The following EXOC4 variants were observed in gnomAD, a reference collection of about 807,000 sequenced individuals.
The protein encoded by EXOC4 is SEC8-like 1.
In EXOC4, 71 loss-of-function variants were observed where a neutral mutation model predicts 107.2. That is an observed-to-expected ratio of 0.66 (90% CI 0.55 to 0.81). The LOEUF is 0.81. Ranked by LOEUF, EXOC4 falls within the 30% of genes least tolerant of loss-of-function variation. EXOC4 has a pLI of 0.00. For synonymous variants in EXOC4, 456 were observed against 441.2 expected, an observed-to-expected ratio of 1.03 and a Z score of -0.42; for missense variants, 1,108 against 1,189.6, an observed-to-expected ratio of 0.93 and a Z score of 1.01.
chr7:134,028,161 CCAT>C (rs1056001947), intron 17 of EXOC4, among the ~76,000 whole-genome samples: 1 of 152,202 alleles, frequency 6.6e-6, no homozygotes, highest in Non-Finnish European at 1.5e-5. Context: ...ACCCCATTAA[CCAT>C]AATATCCACC....
At chr7:133,460,299 G>A (rs948599446) in intron 7 of EXOC4, among the ~76,000 whole-genome samples, 6 of 152,108 alleles carry the variant, frequency 3.9e-5, no homozygotes, top group South Asian at 2.1e-4. Flanking sequence ...CTCCCCTGCC[G>A]CTCACCTGCT....
intron 9 of EXOC4, among the ~76,000 whole-genome samples, chr7:133,539,214 C>T (rs994555921): frequency 6.6e-6 from 1 of 151,990 alleles, no homozygotes; most frequent in South Asian, 2.1e-4. Flanking sequence ...GTCCTGCCCT[C>T]CCTGGGAATG....
chr7:133,953,423 C>G (rs1175148286), intron 14 of EXOC4, among the ~76,000 whole-genome samples: 1 of 151,782 alleles, frequency 6.6e-6, no homozygotes, highest in Non-Finnish European at 1.5e-5. Context: ...CACAGGGAGA[C>G]CTCATCTCTA....
At chr7:133,369,200 A>G (rs1201749344) in intron 6 of EXOC4, among the ~76,000 whole-genome samples, 1 of 152,172 alleles carries the variant, frequency 6.6e-6, no homozygotes, top group Non-Finnish European at 1.5e-5. Context: ...TTAAATTGGG[A>G]CAAGCTAGTG....
At position 133,271,648 on chromosome 7, in the gene EXOC4, C is replaced by G. The variant is rs190353713; in HGVS notation, c.87-3334C>G. On this transcript the variant is annotated intron_variant, in intron 1 of 17. Transcript: ENST00000253861. The stretch of plus-strand genomic sequence containing the variant: ...CTCGGAGTTCTTCTCCAGGAGCTGC[C>G]TATGTGGGCAGGCTTCTCTTTGGGC... 2.2e-3 allele frequency among the ~76,000 whole-genome samples: 342 copies of G among 152,262 alleles called. 1 individual carries two copies. Among genetic ancestry groups the G allele is most frequent in the African/African-American group, 7.8e-3 (322 of 41,528 alleles).
intron 10 of EXOC4, among the ~76,000 whole-genome samples, chr7:133,767,047 A>G (rs1044515868): frequency 6.6e-6 from 1 of 151,824 alleles, no homozygotes; most frequent in African/African-American, 2.4e-5. Context: ...TCTGATTTCC[A>G]TAGCTGCTCC....
chr7:133,703,438 G>A (rs764328987), intron 10 of EXOC4, among the ~76,000 whole-genome samples: 3 of 152,140 alleles, frequency 2.0e-5, no homozygotes, highest in Non-Finnish European at 4.4e-5. Flanking sequence ...GATTTTTGAT[G>A]AGAATTTCTG....
At chr7:133,915,947 A>T (rs950911557) in intron 12 of EXOC4, among the ~76,000 whole-genome samples, 2 of 152,114 alleles carry the variant, frequency 1.3e-5, no homozygotes, top group African/African-American at 2.4e-5. Flanking sequence ...CTTGAGCTCA[A>T]AACTTTAGAA....
chr7:134,077,371 A>C, the EXOC4 span, among the ~76,000 whole-genome samples: 9 of 152,236 alleles, frequency 5.9e-5, no homozygotes, highest in Non-Finnish European at 1.2e-4. Context: ...ACAGATCTTT[A>C]CACAGCCTAC....
chr7:133,334,280 G>A lies in EXOC4; in HGVS notation c.763+16890G>A, dbSNP rs554851440. 1.1e-4 allele frequency among the ~76,000 whole-genome samples: 16 copies of A among 152,160 alleles called. No homozygotes were observed. The South Asian group carries it at 3.3e-3, about 32-fold the overall frequency. ...CTATTTTTTCCGTCTATCCCTATAG[G>A]TCATCAGTCACATTCATTTCTGCTT... On this transcript the variant is annotated intron_variant, in intron 5 of 17. Transcript: ENST00000253861.
intron 13 of EXOC4, among the ~76,000 whole-genome samples, chr7:133,925,264 ATG>A (rs1487667655): frequency 6.6e-6 from 1 of 152,216 alleles, no homozygotes; most frequent in Non-Finnish European, 1.5e-5. Flanking sequence ...AAAAAATAAA[ATG>A]TATTATTTCC....
chr7:133,851,099 A>C (rs1798231786), intron 11 of EXOC4, among the ~76,000 whole-genome samples: 1 of 152,140 alleles, frequency 6.6e-6, no homozygotes, highest in Admixed American at 6.5e-5. Flanking sequence ...CACATGTTTA[A>C]CTTTTTATTC....
At chr7:133,445,875 G>C (rs1798208989) in intron 7 of EXOC4, among the ~76,000 whole-genome samples, 1 of 151,958 alleles carries the variant, frequency 6.6e-6, no homozygotes, top group African/African-American at 2.4e-5. Context: ...AATTAGCCAG[G>C]CATGGTGGCG....
intron 10 of EXOC4, among the ~76,000 whole-genome samples, chr7:133,802,698 T>A (rs370718096): frequency 4.0e-5 from 6 of 151,794 alleles, no homozygotes; most frequent in South Asian, 4.2e-4. Flanking sequence ...ATACAAAAAA[T>A]TAGCCAGATG....
At chr7:133,296,571 G>C (rs1794523601) in intron 3 of EXOC4, among the ~76,000 whole-genome samples, 1 of 152,102 alleles carries the variant, frequency 6.6e-6, no homozygotes, top group African/African-American at 2.4e-5. Flanking sequence ...TAGAAGTGCA[G>C]GGGTTTGTGG....
chr7:133,648,593 A>G (rs1305577798), intron 10 of EXOC4, among the ~76,000 whole-genome samples: 2 of 152,166 alleles, frequency 1.3e-5, no homozygotes, highest in Non-Finnish European at 2.9e-5. Context: ...CGTGCCATAA[A>G]AGGGGAGGAA....
downstream of EXOC4, among the ~76,000 whole-genome samples, chr7:134,069,192 TC>T (rs1372560057): frequency 6.7e-6 from 1 of 149,886 alleles, no homozygotes; most frequent in East Asian, 2.0e-4. Context: ...ACCTAGCAGT[TC>T]ACCCTTTACC....
chr7:133,272,074 A>G (rs757610345), intron 1 of EXOC4, among the ~76,000 whole-genome samples: 2 of 152,144 alleles, frequency 1.3e-5, no homozygotes, highest in Non-Finnish European at 2.9e-5. Context: ...ATAGCTAACG[A>G]CAACAACCAA....
At chr7:133,958,903 A>G (rs946983324) in intron 14 of EXOC4, among the ~76,000 whole-genome samples, 8 of 152,238 alleles carry the variant, frequency 5.3e-5, no homozygotes, top group African/African-American at 1.9e-4. Context: ...CAAAGTTTAC[A>G]TTAATGACTG....
Sources: allele counts gnomAD v4.1 joint callset (sites outside exome capture counted in the v4.1 genomes callset), GRCh38; gene constraint gnomAD v4.1.1; transcripts MANE v1.5; gene names NCBI Gene and HGNC (gene_info 2026-07-23, HGNC 2026-07-21).